SLC24A2: variants seen among roughly 807,000 people sequenced by gnomAD.
SLC24A2 encodes the protein sodium/potassium/calcium exchanger 2.
A neutral mutation model predicts 62.0 loss-of-function variants in SLC24A2; 36 were observed. The ratio of observed to expected loss-of-function variants is 0.58; its 90% confidence interval spans 0.44 to 0.77. The LOEUF is 0.77. Ranked by LOEUF, SLC24A2 falls within the 30% of genes least tolerant of loss-of-function variation. The probability of loss-of-function intolerance (pLI) is 0.00; values close to 1 mark genes in which losing one functional copy is unlikely to be tolerated. For missense variants in SLC24A2, 846 were observed against 817.9 expected (o/e 1.03, Z -0.42); for synonymous variants, 358 against 294.0 (o/e 1.22, Z -2.23).
chr9:20,159,589 A>C, the SLC24A2 span, among the ~76,000 whole-genome samples: 15 of 151,830 alleles, frequency 9.9e-5, no homozygotes, highest in South Asian at 1.9e-3. Flanking sequence ...AAAGAATGTT[A>C]TTCCCCAAAA....
the SLC24A2 span, among the ~76,000 whole-genome samples, chr9:20,131,184 G>A: frequency 6.6e-6 from 1 of 152,068 alleles, no homozygotes; most frequent in Non-Finnish European, 1.5e-5. Context: ...GGAGAGCAAA[G>A]ACTCTTAGCC....
chr9:20,210,565 C>G, the SLC24A2 span, among the ~76,000 whole-genome samples: 2 of 151,164 alleles, frequency 1.3e-5, no homozygotes, highest in Admixed American at 6.6e-5. Flanking sequence ...GCTCCGCCTC[C>G]CGGGTTCACG....
chr9:20,302,476 G>A, the SLC24A2 span, among the ~76,000 whole-genome samples: 16 of 152,278 alleles, frequency 1.1e-4, no homozygotes, highest in African/African-American at 3.9e-4. Flanking sequence ...TTTCCCTAAT[G>A]ACAGTGATGT....
chr9:20,220,230 G>A, the SLC24A2 span, among the ~76,000 whole-genome samples: 1 of 151,970 alleles, frequency 6.6e-6, no homozygotes, highest in South Asian at 2.1e-4. Flanking sequence ...TTGTCACATA[G>A]AGAAATGGAA....
At chr9:20,253,240 T>C in the SLC24A2 span, among the ~76,000 whole-genome samples, 4 of 152,202 alleles carry the variant, frequency 2.6e-5, no homozygotes, top group Admixed American at 1.3e-4. Flanking sequence ...CTATATGATC[T>C]TAGTATCTAA....
intron 2 of SLC24A2, among the ~76,000 whole-genome samples, chr9:19,714,382 CA>C (rs2118613263): frequency 6.6e-6 from 1 of 152,302 alleles, no homozygotes; most frequent in Non-Finnish European, 1.5e-5. Context: ...ACTGCTGAAT[CA>C]AAAACCAAGA....
At chr9:20,272,825 G>A in the SLC24A2 span, among the ~76,000 whole-genome samples, 2 of 152,210 alleles carry the variant, frequency 1.3e-5, no homozygotes, top group African/African-American at 2.4e-5. Context: ...GAGGCCCACT[G>A]AGAATGCATG....
In SLC24A2 at chr9:19,508,890, C is replaced by A. The variant is rs1832606144; in HGVS notation, c.*7263G>T. 1 of 152,020 alleles carries A rather than the reference C, an allele frequency of 6.6e-6. No homozygotes were observed. Among genetic ancestry groups the A allele is most frequent in the Non-Finnish European group, 1.5e-5 (1 of 68,020 alleles). The allele number at this position is 152,020 out of a possible 1,614,324, so 9.4% of individuals were successfully genotyped here. The stretch of plus-strand genomic sequence containing the variant: ...TATATATGTGTGTGTAAACAGTGTA[C>A]CATACTAGGTTAGAAATTGTGTATT... On this transcript the variant is annotated 3_prime_UTR_variant, in exon 11 of 11. Transcript: ENST00000341998.
At chr9:20,162,131 T>C in the SLC24A2 span, among the ~76,000 whole-genome samples, 1 of 151,744 alleles carries the variant, frequency 6.6e-6, no homozygotes, top group Non-Finnish European at 1.5e-5. Context: ...GATGTGAACC[T>C]GTAGTCTCAG....
the SLC24A2 span, among the ~76,000 whole-genome samples, chr9:20,192,226 G>C: frequency 2.6e-5 from 4 of 152,184 alleles, no homozygotes; most frequent in African/African-American, 4.8e-5. Context: ...ATCAGGAAAG[G>C]ATGCAATGAG....
chr9:20,062,114 A>G, the SLC24A2 span, among the ~76,000 whole-genome samples: 2 of 152,186 alleles, frequency 1.3e-5, no homozygotes, highest in Non-Finnish European at 2.9e-5. Flanking sequence ...CTGTAGTCTT[A>G]GCTAATATGG....
At chr9:20,236,245 C>T in the SLC24A2 span, among the ~76,000 whole-genome samples, 1 of 152,176 alleles carries the variant, frequency 6.6e-6, no homozygotes, top group Non-Finnish European at 1.5e-5. Flanking sequence ...GTTTTCTCAT[C>T]TGAGATAGGA....
chr9:20,031,229 C>G, the SLC24A2 span, among the ~76,000 whole-genome samples: 2 of 149,336 alleles, frequency 1.3e-5, no homozygotes, highest in East Asian at 2.0e-4. Context: ...CACACACACC[C>G]TGTGTGTGTG....
the SLC24A2 span, among the ~76,000 whole-genome samples, chr9:19,804,763 T>C: frequency 1.9e-3 from 285 of 152,256 alleles, 1 homozygote; most frequent in African/African-American, 6.5e-3. Flanking sequence ...TGGCTGTGCA[T>C]ATTTCATAGA....
At chr9:19,694,470 A>T (rs2118485617) in intron 2 of SLC24A2, among the ~76,000 whole-genome samples, 1 of 152,272 alleles carries the variant, frequency 6.6e-6, no homozygotes, top group Non-Finnish European at 1.5e-5. Context: ...AATTTATTTT[A>T]CTTTTATTCT....
At chr9:20,068,657 T>C in the SLC24A2 span, among the ~76,000 whole-genome samples, 1 of 151,996 alleles carries the variant, frequency 6.6e-6, no homozygotes, top group Non-Finnish European at 1.5e-5. Context: ...TCCCTGGGAG[T>C]TGCTCTTGCT....
At chr9:20,024,046 G>A in the SLC24A2 span, among the ~76,000 whole-genome samples, 1 of 152,160 alleles carries the variant, frequency 6.6e-6, no homozygotes, top group East Asian at 1.9e-4. Context: ...CATTTTCCCA[G>A]TTGTCTCTGT....
chr9:20,068,704 G>T, the SLC24A2 span, among the ~76,000 whole-genome samples: 1 of 152,134 alleles, frequency 6.6e-6, no homozygotes, highest in East Asian at 1.9e-4. Context: ...GAAGTGTCAT[G>T]ACCCTAAAAT....
chr9:19,817,715 T>G, the SLC24A2 span, among the ~76,000 whole-genome samples: 2 of 151,968 alleles, frequency 1.3e-5, no homozygotes, highest in Non-Finnish European at 2.9e-5. Context: ...ATGTTAGCCT[T>G]ATAATGTATC....
Sources: allele counts gnomAD v4.1 joint callset (sites outside exome capture counted in the v4.1 genomes callset), GRCh38; gene constraint gnomAD v4.1.1; transcripts MANE v1.5; gene names NCBI Gene and HGNC (gene_info 2026-07-23, HGNC 2026-07-21).